Variants in INPP1 observed in about 807,000 individuals in gnomAD.
INPP1 encodes inositol polyphosphate 1-phosphatase.
A neutral mutation model predicts 23.0 loss-of-function variants in INPP1; 18 were observed. That is an observed-to-expected ratio of 0.78 (90% CI 0.54 to 1.16). The LOEUF (loss-of-function observed/expected upper bound fraction) is 1.16, where lower values mean the gene tolerates loss of function less well. INPP1 is among the 50% of genes most tolerant of loss of function. INPP1 has a pLI of 0.00. For missense variants in INPP1, 448 were observed against 482.1 expected, an observed-to-expected ratio of 0.93 and a Z score of 0.66; for synonymous variants, 164 against 176.3, an observed-to-expected ratio of 0.93 and a Z score of 0.55.
chr2:190,363,571 A>G lies in INPP1; in HGVS notation c.265+884A>G, dbSNP rs1689575303. Among the ~76,000 whole-genome samples the G allele has an allele frequency of 1.3e-5, 2 of 152,158 alleles. No individual in the cohort carries two copies. Among genetic ancestry groups the G allele is most frequent in the Non-Finnish European group, 2.9e-5 (2 of 68,036 alleles). On this transcript the variant is annotated intron_variant, in intron 4 of 6. Transcript: ENST00000392329. This position sits in a 1 kb window ranked among gnomAD's most constrained non-coding sequence, Gnocchi z 4.4. ...AACATTAAATACTGATCATGTGACA[A>G]ATACTTATATATCTAGAAACACAAT... is the stretch of plus-strand genomic sequence containing the variant.
At chr2:190,348,699 T>TTGTA (rs1217323776) in intron 1 of INPP1, among the ~76,000 whole-genome samples, 189 bp from the exon 2 acceptor site, 1 of 152,236 alleles carries the variant, frequency 6.6e-6, no homozygotes, top group Non-Finnish European at 1.5e-5. Context: ...TTCATCCATG[T>TTGTA]TGTAGCATGT....
rs778874532 is a variant in INPP1, at chr2:190,371,082, A to C, written c.880A>C (p.Ser294Arg). The change falls in exon 7 of 7, where the codon AGC becomes CGC. Residue 294 changes from serine to arginine, a missense_variant. Ser to Arg is a moderately radical substitution (Grantham distance 110). Coordinates refer to ENST00000392329, the MANE Select transcript of INPP1 (RefSeq NM_001128928.2). The surrounding 1 kb of genome is among the most constrained non-coding windows in gnomAD (Gnocchi z 5.3). Reference sequence around the variant, plus strand: ...TGGGGCAGCTGGGGCTGGTTATAAGAGCCTATGTGTTGTCCAAGGCCTCGT... The same window carrying C: ...TGGGGCAGCTGGGGCTGGTTATAAGCGCCTATGTGTTGTCCAAGGCCTCGT... ...IFGAAGAGYK[S>R]LCVVQGLVDI... The C allele has an allele frequency of 8.7e-6, 14 of 1,614,038 alleles. No individual in the cohort carries two copies. Among genetic ancestry groups the C allele is most frequent in the East Asian group, 4.5e-5 (2 of 44,900 alleles).
At chr2:190,351,636 A>G (rs146983210) in intron 2 of INPP1, among the ~76,000 whole-genome samples, 4 of 152,280 alleles carry the variant, frequency 2.6e-5, no homozygotes, top group African/African-American at 4.8e-5. Flanking sequence ...GTTGTTGCCT[A>G]TTGTCGCAAT....
In INPP1 at chr2:190,371,292, G is replaced by T; in HGVS notation, c.1090G>T (p.Asp364Tyr). The change falls in exon 7 of 7, where the codon GAT becomes TAT. Residue 364 changes from aspartate to tyrosine, a missense_variant. Asp to Tyr is a radical substitution (Grantham distance 160). Coordinates refer to ENST00000392329, the MANE Select transcript of INPP1 (RefSeq NM_001128928.2). This position sits in a 1 kb window ranked among gnomAD's most constrained non-coding sequence, Gnocchi z 5.3. ...HVENEGAAGV[D>Y]RWANKGGLIA... ...GGAAAATGAGGGTGCTGCTGGGGTGGATCGGTGGGCCAACAAGGGAGGACT... is the reference window on the plus strand; with the variant it reads ...GGAAAATGAGGGTGCTGCTGGGGTGTATCGGTGGGCCAACAAGGGAGGACT... 6.2e-7 allele frequency: 1 copy of T among 1,609,792 alleles called. No individual in the cohort carries two copies. Among genetic ancestry groups the T allele is most frequent in the Non-Finnish European group, 8.5e-7 (1 of 1,177,306 alleles).
At chr2:190,364,102 A>G (rs1227409481) in intron 4 of INPP1, among the ~76,000 whole-genome samples, 1 of 152,138 alleles carries the variant, frequency 6.6e-6, no homozygotes, top group African/African-American at 2.4e-5. Flanking sequence ...TTATTCCCCA[A>G]CTTTAACAGT....
At chr2:190,359,970 G>T (rs1416176288) in intron 2 of INPP1, 69 bp from the exon 3 acceptor site, 3 of 804,056 alleles carry the variant, frequency 3.7e-6, no homozygotes, top group Non-Finnish European at 4.0e-6. Context: ...TGGGTTGTTA[G>T]TAGTGCCAGA....
chr2:190,349,084 G>A (rs1689278507), intron 2 of INPP1, 53 bp downstream of exon 2: 1 of 152,172 alleles, frequency 6.6e-6, no homozygotes, highest in Non-Finnish European at 1.5e-5. Context: ...AGTTCTAAAG[G>A]AAAGATAAAT....
Position 190,363,476 on chromosome 2 carries a change from T to C in INPP1, c.265+789T>C, listed in dbSNP as rs369884999. Among the ~76,000 whole-genome samples the C allele has an allele frequency of 3.5e-4, 53 of 152,276 alleles. No homozygotes were observed. In the South Asian group the frequency reaches 0.01, roughly 30 times the overall value. On this transcript the variant is annotated intron_variant, in intron 4 of 6. Coordinates refer to ENST00000392329, the MANE Select transcript of INPP1 (RefSeq NM_001128928.2). The surrounding 1 kb of genome is among the most constrained non-coding windows in gnomAD (Gnocchi z 4.4). ...CTCAAACTCCTGACCTCAGGTAATC[T>C]GATTTCTTTCAGAGAAACAATTTTT...
At chr2:190,366,288 TCTCTGTCTCTCTCGCTCTGTCTCA>T (rs1689666673) in intron 4 of INPP1, among the ~76,000 whole-genome samples, 1 of 147,550 alleles carries the variant, frequency 6.8e-6, no homozygotes, top group African/African-American at 2.5e-5. Context: ...TCTCTCTCGC[TCTCTGTCTCTCTCGCTCTGTCTCA>T]CTCTCTCTGT....
At chr2:190,358,421 T>A (rs1689468058) in intron 2 of INPP1, among the ~76,000 whole-genome samples, 1 of 152,220 alleles carries the variant, frequency 6.6e-6, no homozygotes, top group Non-Finnish European at 1.5e-5. Context: ...TTTCACCATG[T>A]TAGCCAGGCT....
At chr2:190,362,599 G>T in intron 3 of INPP1, 28 bp from the exon 4 acceptor site, 1 of 1,524,042 alleles carries the variant, frequency 6.6e-7, no homozygotes, top group South Asian at 1.2e-5. Context: ...TTTTTGTTTT[G>T]TTTTTCGTCA....
At chr2:190,348,758 T>C (rs1455254758) in intron 1 of INPP1, 130 bp from the exon 2 acceptor site, 3 of 152,230 alleles carry the variant, frequency 2.0e-5, no homozygotes, top group African/African-American at 7.2e-5. Context: ...CCCAATCTCA[T>C]TTATATGAGA....
intron 2 of INPP1, among the ~76,000 whole-genome samples, chr2:190,350,836 G>T (rs557801295): frequency 2.0e-5 from 3 of 152,296 alleles, no homozygotes; most frequent in African/African-American, 7.2e-5. Context: ...AATTAATCTT[G>T]TCACAGATAG....
At chr2:190,348,216 T>C (rs891600223) in intron 1 of INPP1, among the ~76,000 whole-genome samples, 44 of 152,206 alleles carry the variant, frequency 2.9e-4, no homozygotes, top group Non-Finnish European at 4.9e-4. Flanking sequence ...CTAGTGCCCT[T>C]CTTTAAACCT....
At chr2:190,369,996 A>C (rs957339539) in intron 6 of INPP1, among the ~76,000 whole-genome samples, 1 of 152,236 alleles carries the variant, frequency 6.6e-6, no homozygotes, top group Non-Finnish European at 1.5e-5. Context: ...TTTAATAGTC[A>C]TAAGTTTATA....
intron 1 of INPP1, among the ~76,000 whole-genome samples, chr2:190,348,125 G>A (rs376219016): frequency 6.6e-6 from 1 of 152,174 alleles, no homozygotes; most frequent in South Asian, 2.1e-4. Flanking sequence ...GCAACAGAGC[G>A]AGACTCTGTC....
rs1004863162 is a variant in INPP1, at chr2:190,368,195, G to T, written c.467-908G>T. Among the ~76,000 whole-genome samples the T allele has an allele frequency of 6.6e-6, 1 of 152,196 alleles. No individual in the cohort carries two copies. The highest frequency in any genetic ancestry group is 1.5e-5 in the Non-Finnish European group (1 of 68,034). ...ATCTCCTGTTTCTTGGTTCCACCCT[G>T]AATTGATTCTGTTTTTGAGCTCTTT... On this transcript the variant is annotated intron_variant, in intron 5 of 6. Transcript: ENST00000392329. This position sits in a 1 kb window ranked among gnomAD's most constrained non-coding sequence, Gnocchi z 4.3.
intron 6 of INPP1, among the ~76,000 whole-genome samples, chr2:190,369,765 C>T (rs1486424717): frequency 2.0e-5 from 3 of 152,206 alleles, no homozygotes; most frequent in African/African-American, 7.2e-5. Flanking sequence ...TGCCTCCTCC[C>T]TTCCACTCTT....
chr2:190,366,875 G>T lies in INPP1; in HGVS notation c.446G>T (p.Gly149Val). ...ATCAATGTTCCACAGGACATTTTGG[G>T]AATTTGGGTGGACCCCATAGGTAAG... is the stretch of plus-strand genomic sequence containing the variant. Reference protein sequence around the residue: ...TEINVPQDILGIWVDPIDSTY... With the variant: ...TEINVPQDILVIWVDPIDSTY... The change falls in exon 5 of 7, where the codon GGA becomes GTA. Residue 149 changes from glycine (G) to valine (V), a missense_variant. Coordinates refer to ENST00000392329, the MANE Select transcript of INPP1 (RefSeq NM_001128928.2). 6.2e-7 allele frequency: 1 copy of T among 1,612,676 alleles called. No individual in the cohort carries two copies. Among genetic ancestry groups the T allele is most frequent in the African/African-American group, 1.3e-5 (1 of 75,002 alleles).
Sources: allele counts gnomAD v4.1 joint callset (sites outside exome capture counted in the v4.1 genomes callset), GRCh38; gene constraint gnomAD v4.1.1; non-coding constraint Gnocchi (gnomAD v3.1); transcripts MANE v1.5; gene names NCBI Gene and HGNC (gene_info 2026-07-23, HGNC 2026-07-21).